CD40LG: variants seen among roughly 807,000 people sequenced by gnomAD.
The protein encoded by CD40LG is CD40 ligand.
A neutral mutation model predicts 17.2 loss-of-function variants in CD40LG; 1 was observed. The ratio of observed to expected loss-of-function variants is 0.06; its 90% confidence interval spans 0.02 to 0.28. CD40LG has a LOEUF of 0.28. CD40LG is among the 10% of genes least tolerant of loss of function. CD40LG has a pLI of 1.00. For synonymous variants in CD40LG, 66 were observed against 74.4 expected (o/e 0.89, Z 0.58); for missense variants, 133 against 193.2 (o/e 0.69, Z 1.85).
chrX:136,658,739 G>A (rs1603321656), intron 4 of CD40LG, among the ~76,000 whole-genome samples: 1 of 112,015 alleles, frequency 8.9e-6, no homozygotes, highest in Non-Finnish European at 1.9e-5. Flanking sequence ...TCTAACGAGA[G>A]AAAGAAACTC....
In CD40LG at chrX:136,648,289, C is replaced by T; in HGVS notation, c.41C>T (p.Ala14Val). 1 of 1,201,271 alleles carries T rather than the reference C, an allele frequency of 8.3e-7. No individual in the cohort carries two copies. Among genetic ancestry groups the T allele is most frequent in the South Asian group, 1.8e-5 (1 of 56,753 alleles). Residue 14 changes from alanine (A) to valine (V), a missense_variant, in exon 1 of 5, where the codon GCC becomes GTC. Transcript: ENST00000370629. The part of the protein sequence containing the change: ...TYNQTSPRSA[A>V]TGLPISMKIF... ...AACCAAACTTCTCCCCGATCTGCGG[C>T]CACTGGACTGCCCATCAGCATGAAA...
At chrX:136,651,575 T>G (rs2076103900) in intron 2 of CD40LG, among the ~76,000 whole-genome samples, 1 of 111,739 alleles carries the variant, frequency 8.9e-6, no homozygotes, top group Non-Finnish European at 1.9e-5. Flanking sequence ...TAGATGAAAC[T>G]CCTAAACCCT....
chrX:136,650,522 C>T, intron 2 of CD40LG, 125 bp downstream of exon 2: 7 of 567,165 alleles, frequency 1.2e-5, no homozygotes, highest in Admixed American at 2.5e-5. Context: ...CACACACACA[C>T]ATATATATGC....
Position 136,650,145 on chromosome X carries a change from T to C in CD40LG, c.157-121T>C, listed in dbSNP as rs1475452968. ...CAGCCAATATAATAACTTATTATTCTCCATTTATGCCTGAAAGTCCTCCTC... is the reference window on the plus strand; with the variant it reads ...CAGCCAATATAATAACTTATTATTCCCCATTTATGCCTGAAAGTCCTCCTC... On this transcript the variant is annotated intron_variant, in intron 1 of 4. Coordinates refer to ENST00000370629, the MANE Select transcript of CD40LG (RefSeq NM_000074.3). 9.9e-5 allele frequency: 51 copies of C among 513,702 alleles called. 1 individual carries two copies. Among genetic ancestry groups the C allele is most frequent in the Non-Finnish European group, 1.4e-4 (41 of 291,993 alleles). The allele number at this position is 513,702 out of a possible 1,213,427, so 42.3% of individuals were successfully genotyped here.
intron 2 of CD40LG, among the ~76,000 whole-genome samples, chrX:136,650,787 C>T (rs1249930681): frequency 9.0e-6 from 1 of 111,604 alleles, no homozygotes; most frequent in African/African-American, 3.3e-5. Flanking sequence ...GAAGCAATAG[C>T]CGTCAACAGC....
At chrX:136,656,291 G>A (rs1455677030) in intron 3 of CD40LG, 65 bp from the exon 4 acceptor site, 2 of 813,802 alleles carry the variant, frequency 2.5e-6, no homozygotes, top group African/African-American at 4.0e-5. Context: ...TGTAGAACTG[G>A]ACCAGATAGT....
intron 2 of CD40LG, among the ~76,000 whole-genome samples, chrX:136,653,022 C>G (rs762192308): frequency 1.8e-5 from 2 of 111,572 alleles, no homozygotes; most frequent in African/African-American, 3.3e-5. Context: ...TCATGAAACA[C>G]GAGCTTTGCT....
chrX:136,653,286 C>G (rs1453240642), intron 2 of CD40LG, among the ~76,000 whole-genome samples: 1 of 112,288 alleles, frequency 8.9e-6, no homozygotes, highest in Non-Finnish European at 1.9e-5. Flanking sequence ...CTATGAACTA[C>G]GCCCTTAAAT....
intron 2 of CD40LG, among the ~76,000 whole-genome samples, chrX:136,652,441 TG>T (rs780586684): frequency 1.6e-3 from 177 of 112,029 alleles, no homozygotes; most frequent in Admixed American, 3.3e-3. Context: ...GGCCACAGTC[TG>T]GCTGCACCTA....
chrX:136,654,356 A>G lies in CD40LG; in HGVS notation c.289-17A>G, dbSNP rs764859012. ...AGCCCCTGTCAAAATGACCTCTTGCAATGCTTCTTATTTTAGGATATAATG... is the reference window on the plus strand; with the variant it reads ...AGCCCCTGTCAAAATGACCTCTTGCGATGCTTCTTATTTTAGGATATAATG... On this transcript the variant is annotated splice_polypyrimidine_tract_variant and intron_variant, in intron 2 of 4. Transcript: ENST00000370629. The G allele has an allele frequency of 1.7e-6, 2 of 1,163,166 alleles. No individual in the cohort carries two copies. Among genetic ancestry groups the G allele is most frequent in the Non-Finnish European group, 1.2e-6 (1 of 851,078 alleles).
intron 3 of CD40LG, 55 bp from the exon 4 acceptor site, chrX:136,656,301 T>C: frequency 3.2e-6 from 3 of 924,704 alleles, no homozygotes; most frequent in Non-Finnish European, 4.7e-6. Flanking sequence ...GACCAGATAG[T>C]TTTGTGGGCA....
Position 136,659,491 on chromosome X carries a change from C to A in CD40LG, c.*76C>A. On this transcript the variant is annotated 3_prime_UTR_variant, in exon 5 of 5. Coordinates refer to ENST00000370629, the MANE Select transcript of CD40LG (RefSeq NM_000074.3). ...ATACAGCACAGCGGTTAAGCCCACC[C>A]CCTGTTAACTGCCTATTTATAACCC... 9.7e-7 allele frequency: 1 copy of A among 1,026,878 alleles called. No homozygotes were observed. Among genetic ancestry groups the A allele is most frequent in the Non-Finnish European group, 1.4e-6 (1 of 739,773 alleles). 84.6% of individuals were successfully genotyped at this position (1,026,878 alleles called of 1,213,427 possible). A position where few individuals can be genotyped will look rare whatever the true frequency, so the allele number is the denominator to read the frequency against.
chrX:136,650,431 G>T (rs1207396790), intron 2 of CD40LG, 34 bp downstream of exon 2: 7 of 1,178,094 alleles, frequency 5.9e-6, no homozygotes, highest in Non-Finnish European at 8.1e-6. Context: ...AAGTGTCATT[G>T]AAATATTTTA....
rs771192530 is a variant in CD40LG at position 136,659,452 on chromosome X, TG to T, written c.*40del. 3.1e-5 allele frequency: 37 copies of T among 1,194,343 alleles called. No homozygotes were observed. The highest frequency in any genetic ancestry group is 6.5e-5 in the Admixed American group (3 of 45,808). On this transcript the variant is annotated 3_prime_UTR_variant, in exon 5 of 5. Coordinates refer to ENST00000370629, the MANE Select transcript of CD40LG (RefSeq NM_000074.3). Reference sequence around the variant, plus strand: ...TTGCAGGCTGTGGTGGAGCTGACGCTGGGAGTCTTCATAATACAGCACAGCG... The same window carrying T: ...TTGCAGGCTGTGGTGGAGCTGACGCTGGAGTCTTCATAATACAGCACAGCG...
intron 4 of CD40LG, among the ~76,000 whole-genome samples, chrX:136,658,589 G>A (rs748791328): frequency 1.8e-5 from 2 of 111,786 alleles, no homozygotes; most frequent in Non-Finnish European, 3.8e-5. Context: ...CTCTGACTTT[G>A]TAAAATTCAA....
At chrX:136,658,425 T>C (rs1249813639) in intron 4 of CD40LG, among the ~76,000 whole-genome samples, 2 of 111,700 alleles carry the variant, frequency 1.8e-5, no homozygotes, top group Non-Finnish European at 3.8e-5. Flanking sequence ...GATCAAAACA[T>C]ACCGTGAAAT....
intron 2 of CD40LG, among the ~76,000 whole-genome samples, 193 bp from the exon 3 acceptor site, chrX:136,654,180 G>A (rs41304524): frequency 1.1e-4 from 12 of 111,575 alleles, no homozygotes; most frequent in Non-Finnish European, 2.3e-4. Context: ...GGCTTTCTGG[G>A]TTGTTGGCTC....
At chrX:136,656,934 A>G (rs2076120859) in intron 4 of CD40LG, among the ~76,000 whole-genome samples, 1 of 112,272 alleles carries the variant, frequency 8.9e-6, no homozygotes, top group African/African-American at 3.2e-5. Context: ...GTAACAACAG[A>G]CGACATATTG....
At chrX:136,652,712 T>C (rs749372871) in intron 2 of CD40LG, among the ~76,000 whole-genome samples, 1 of 111,396 alleles carries the variant, frequency 9.0e-6, no homozygotes, top group Non-Finnish European at 1.9e-5. Flanking sequence ...TTGAATAGTA[T>C]AATTTCATAT....
Sources: gnomAD v4.1 joint callset for allele counts (sites outside exome capture counted in the v4.1 genomes callset) on GRCh38, gnomAD v4.1.1 for gene constraint, MANE v1.5 for transcripts, NCBI Gene and HGNC (gene_info 2026-07-23, HGNC 2026-07-21) for gene names.